EPHB1: variants seen among roughly 807,000 people sequenced by gnomAD.
EPHB1 encodes the protein EPH receptor B1.
EPHB1 carries 30 observed loss-of-function variants against 94.4 expected under a neutral mutation model. The ratio of observed to expected loss-of-function variants is 0.32; its 90% CI spans 0.24 to 0.43. The LOEUF (loss-of-function observed/expected upper bound fraction) is 0.43, where lower values mean the gene tolerates loss of function less well. Ranked by LOEUF, EPHB1 falls within the 20% of genes least tolerant of loss-of-function variation. EPHB1 has a pLI of 1.00. For missense variants in EPHB1, 1,055 were observed against 1,308.3 expected (o/e 0.81, Z 2.99); for synonymous variants, 522 against 489.1 (o/e 1.07, Z -0.89).
At position 134,932,357 on chromosome 3, in the gene EPHB1, C is replaced by T. The variant is rs541619124; in HGVS notation, c.123+6477C>T. 5.9e-5 allele frequency among the ~76,000 whole-genome samples: 9 copies of T among 152,304 alleles called. No homozygotes were observed. The South Asian group carries it at 8.3e-4, about 14-fold the overall frequency. On this transcript the variant is annotated intron_variant, in intron 2 of 15. Coordinates refer to ENST00000398015, the MANE Select transcript of EPHB1 (RefSeq NM_004441.5). ...TCCTCAGTCCCTGTCAGATCCCCCACCAGCTGCCCACCTCAAGTGACTCAG... is the reference window on the plus strand; with the variant it reads ...TCCTCAGTCCCTGTCAGATCCCCCATCAGCTGCCCACCTCAAGTGACTCAG...
At chr3:134,900,696 G>A (rs2038181491) in intron 1 of EPHB1, among the ~76,000 whole-genome samples, 1 of 152,086 alleles carries the variant, frequency 6.6e-6, no homozygotes, top group Admixed American at 6.6e-5. Context: ...ATGGGTGTAT[G>A]TAGGTGTGAG....
rs563379633 is a variant in EPHB1 at position 135,031,894 on chromosome 3, C to G, written c.806-74554C>G. Among the ~76,000 whole-genome samples the G allele has an allele frequency of 2.0e-5, 3 of 152,012 alleles. No individual in the cohort carries two copies. In the South Asian group the frequency reaches 6.2e-4, roughly 32 times the overall value. On this transcript the variant is annotated intron_variant, in intron 3 of 15. Transcript: ENST00000398015. Reference sequence around the variant, plus strand: ...ATGTCTAAGTTAAAAATCATTTTTCCTCCAAAATTTGAATACATTGATTTG... The same window carrying G: ...ATGTCTAAGTTAAAAATCATTTTTCGTCCAAAATTTGAATACATTGATTTG...
chr3:135,255,201 T>G (rs1008020007), intron 15 of EPHB1, among the ~76,000 whole-genome samples: 1 of 152,048 alleles, frequency 6.6e-6, no homozygotes, highest in African/African-American at 2.4e-5. Context: ...GTTTTTTATG[T>G]CTCTATTTCC....
At chr3:135,018,124 ATCT>A (rs1337862513) in intron 3 of EPHB1, among the ~76,000 whole-genome samples, 5 of 152,240 alleles carry the variant, frequency 3.3e-5, no homozygotes, top group Non-Finnish European at 5.9e-5. Context: ...GGGAAAAAAC[ATCT>A]TCTTCAGAAA....
chr3:135,080,389 A>T (rs1473183109), intron 3 of EPHB1, among the ~76,000 whole-genome samples: 1 of 152,202 alleles, frequency 6.6e-6, no homozygotes, highest in Non-Finnish European at 1.5e-5. Flanking sequence ...CTTATGGTTA[A>T]GGACAAGGTT....
At chr3:134,895,027 G>A (rs2038060321) in intron 1 of EPHB1, among the ~76,000 whole-genome samples, 1 of 152,190 alleles carries the variant, frequency 6.6e-6, no homozygotes, top group South Asian at 2.1e-4. Context: ...ATTGAAACAG[G>A]CTTTTCACTC....
chr3:134,800,196 T>C (rs1337514049), intron 1 of EPHB1, among the ~76,000 whole-genome samples: 1 of 152,166 alleles, frequency 6.6e-6, no homozygotes, highest in Non-Finnish European at 1.5e-5. Flanking sequence ...TCTTTCTTTG[T>C]TGAGTGGGTC....
chr3:135,109,943 C>T (rs924999926), intron 4 of EPHB1, among the ~76,000 whole-genome samples: 23 of 152,192 alleles, frequency 1.5e-4, no homozygotes, highest in East Asian at 7.7e-4. Flanking sequence ...TGGGGTCAGC[C>T]GGGCAGAGGG....
In EPHB1 at chr3:135,196,468, G is replaced by C. The variant is rs918487542; in HGVS notation, c.2130+3645G>C. ...GGGAGCAGGCAGTGCCAGGAGGAGA[G>C]GGGGAAATGAAGCGTTTCTGACTCC... On this transcript the variant is annotated intron_variant, in intron 11 of 15. Coordinates refer to ENST00000398015, the MANE Select transcript of EPHB1 (RefSeq NM_004441.5). Among the ~76,000 whole-genome samples the C allele has an allele frequency of 4.6e-5, 7 of 152,104 alleles. 1 individual carries two copies. In the South Asian group the frequency reaches 1.2e-3, roughly 27 times the overall value.
At chr3:135,039,574 G>A (rs545378081) in intron 3 of EPHB1, among the ~76,000 whole-genome samples, 5 of 152,366 alleles carry the variant, frequency 3.3e-5, no homozygotes, top group South Asian at 4.1e-4. Flanking sequence ...GCCCTGCCCC[G>A]CGGGAAGGCA....
At chr3:135,081,874 T>G (rs1036912295) in intron 3 of EPHB1, among the ~76,000 whole-genome samples, 3 of 151,944 alleles carry the variant, frequency 2.0e-5, no homozygotes, top group African/African-American at 7.3e-5. Flanking sequence ...TGCTCACCAA[T>G]TTGCTGTGGG....
chr3:135,036,928 C>T lies in EPHB1; in HGVS notation c.806-69520C>T, dbSNP rs148180475. The stretch of plus-strand genomic sequence containing the variant: ...GGCTATTAGGACAGCTTTCTGCTCT[C>T]CTGATTGATTGATTCGGGCAGCCAA... On this transcript the variant is annotated intron_variant, in intron 3 of 15. Transcript: ENST00000398015. 8.5e-5 allele frequency among the ~76,000 whole-genome samples: 13 copies of T among 152,192 alleles called. No homozygotes were observed. The East Asian group carries it at 9.7e-4, about 11-fold the overall frequency.
Position 135,132,858 on chromosome 3 carries a change from G to T in EPHB1, c.1106G>T (p.Ser369Ile). Residue 369 changes from serine (S) to isoleucine (I), a missense_variant, in exon 5 of 16, where the codon AGC (serine) becomes ATC (isoleucine). Ser to Ile is a moderately radical substitution (Grantham distance 142, BLOSUM62 -2). Transcript: ENST00000398015. ...AAAAAGTGCCGGGCAGACCGCCGGA[G>T]CTGCTCCCGCTGTGACGACAATGTG... is the stretch of plus-strand genomic sequence containing the variant. ...ICKKCRADRR[S>I]CSRCDDNVEF... The T allele has an allele frequency of 6.2e-7, 1 of 1,614,072 alleles. No individual in the cohort carries two copies. Among genetic ancestry groups the T allele is most frequent in the Non-Finnish European group, 8.5e-7 (1 of 1,179,912 alleles).
intron 3 of EPHB1, among the ~76,000 whole-genome samples, chr3:135,062,878 G>A (rs961855691): frequency 2.0e-5 from 3 of 152,150 alleles, no homozygotes; most frequent in Admixed American, 1.3e-4. Flanking sequence ...TGACAGATGA[G>A]GATCCAGCTT....
At chr3:135,229,512 A>G (rs753685613) in intron 12 of EPHB1, among the ~76,000 whole-genome samples, 9 of 152,186 alleles carry the variant, frequency 5.9e-5, no homozygotes, top group Non-Finnish European at 1.0e-4. Context: ...CATTGCAATG[A>G]AAAGAAGGAA....
chr3:135,022,599 A>C (rs966375730), intron 3 of EPHB1, among the ~76,000 whole-genome samples: 1 of 152,162 alleles, frequency 6.6e-6, no homozygotes, highest in African/African-American at 2.4e-5. Context: ...CAATTTGATA[A>C]TTTACATTTT....
At chr3:135,171,395 C>A (rs1325412829) in intron 9 of EPHB1, among the ~76,000 whole-genome samples, 1 of 152,162 alleles carries the variant, frequency 6.6e-6, no homozygotes, top group African/African-American at 2.4e-5. Flanking sequence ...TAGTCCTTGT[C>A]CTATTCAATC....
intron 3 of EPHB1, among the ~76,000 whole-genome samples, chr3:135,030,607 A>G (rs4377522): frequency 0.25 from 37,936 of 152,216 alleles, 6,357 homozygotes; most frequent in East Asian, 0.71. Flanking sequence ...GCGTCCTGGG[A>G]GAACCACTGC....
At chr3:134,953,921 C>T (rs982564903) in intron 3 of EPHB1, among the ~76,000 whole-genome samples, 1 of 152,214 alleles carries the variant, frequency 6.6e-6, no homozygotes, top group African/African-American at 2.4e-5. Flanking sequence ...TTTCTCCTTC[C>T]CAGTCTCGAT....
Sources: gnomAD v4.1 joint callset for allele counts (sites outside exome capture counted in the v4.1 genomes callset) on GRCh38, gnomAD v4.1.1 for gene constraint, MANE v1.5 for transcripts, NCBI Gene and HGNC (gene_info 2026-07-23, HGNC 2026-07-21) for gene names.